Variants in ZXDC observed in about 807,000 individuals in gnomAD.
ZXDC encodes the protein ZXD family zinc finger C.
Under a neutral mutation model 63.6 loss-of-function variants are expected in ZXDC, and 58 were observed. The observed-to-expected ratio is 0.91, with a 90% CI of 0.74 to 1.13. ZXDC has a LOEUF of 1.13. Among genes scored for constraint, ZXDC ranks in the 50% most tolerant of loss-of-function variants. ZXDC has a pLI of 0.00. For missense variants in ZXDC, 1,133 were observed against 1,148.9 expected (o/e 0.99, Z 0.20); for synonymous variants, 561 against 496.1 (o/e 1.13, Z -1.74).
Position 126,475,067 on chromosome 3 carries a change from G to A in ZXDC, c.799C>T (p.Leu267=). ...TCGGCGCACACCTCGCACTTGAACAGGCTCTCCTGCTCGTGGCCCTTCATG... is the reference window on the plus strand; with the variant it reads ...TCGGCGCACACCTCGCACTTGAACAAGCTCTCCTGCTCGTGGCCCTTCATG... ...AHMKGHEQES[L]FKCEVCAERF... Residue 267 remains leucine (L), a synonymous_variant, in exon 1 of 10, where the codon CTG becomes TTG. Coordinates refer to ENST00000389709, the MANE Select transcript of ZXDC (RefSeq NM_025112.5). The A allele has an allele frequency of 3.7e-6, 6 of 1,605,924 alleles. No individual in the cohort carries two copies. Among genetic ancestry groups the A allele is most frequent in the Non-Finnish European group, 4.3e-6 (5 of 1,176,292 alleles).
chr3:126,468,126 G>C (rs1481730897), intron 4 of ZXDC, among the ~76,000 whole-genome samples: 1 of 151,934 alleles, frequency 6.6e-6, no homozygotes, highest in East Asian at 1.9e-4. Context: ...AGCCATCACT[G>C]ACAGACCTGT....
At chr3:126,444,303 C>T (rs986723371) in intron 7 of ZXDC, among the ~76,000 whole-genome samples, 4 of 152,260 alleles carry the variant, frequency 2.6e-5, no homozygotes, top group South Asian at 2.1e-4. Flanking sequence ...GAGGCCAAGG[C>T]GGGCAGATTA....
chr3:126,472,959 G>A (rs1340179445), intron 1 of ZXDC, among the ~76,000 whole-genome samples: 1 of 152,182 alleles, frequency 6.6e-6, no homozygotes, highest in African/African-American at 2.4e-5. Context: ...GGCTCCAACA[G>A]GGTGGAAAAC....
chr3:126,454,742 TAC>T, intron 7 of ZXDC: 1 of 985,488 alleles, frequency 1.0e-6, no homozygotes, highest in Non-Finnish European at 1.2e-6. Context: ...CAGAAAGGTA[TAC>T]ATACCCATTT....
intron 7 of ZXDC, chr3:126,454,510 T>G: frequency 1.0e-6 from 1 of 985,430 alleles, no homozygotes; most frequent in Non-Finnish European, 1.2e-6. Context: ...TGTCTTAATC[T>G]TAACCTTCCC....
At position 126,438,151 on chromosome 3, in the gene ZXDC, CAA is replaced by C. The variant is rs1933532196; in HGVS notation, c.*222_*223del. On this transcript the variant is annotated 3_prime_UTR_variant, in exon 10 of 10. Transcript: ENST00000389709. ...CTGCTGAGGGAGACCCTTGCCTTGC[CAA>C]AGCACTTTGCTCACAAAGGCAGTTT... is the stretch of plus-strand genomic sequence containing the variant. The C allele has an allele frequency of 1.7e-6, 1 of 581,798 alleles. No homozygotes were observed. Among genetic ancestry groups the C allele is most frequent in the African/African-American group, 1.9e-5 (1 of 53,582 alleles). The allele number at this position is 581,798 out of a possible 1,614,324, so 36.0% of individuals were successfully genotyped here.
chr3:126,471,272 C>G (rs895589797), intron 3 of ZXDC, among the ~76,000 whole-genome samples: 3 of 152,140 alleles, frequency 2.0e-5, no homozygotes, highest in African/African-American at 7.2e-5. Context: ...CTACTTCAAT[C>G]TAATATAAGC....
Position 126,475,520 on chromosome 3 carries a change from C to A in ZXDC, c.346G>T (p.Ala116Ser), listed in dbSNP as rs1478013375. The change falls in exon 1 of 10, where the codon GCC (alanine) becomes TCC (serine). Residue 116 changes from alanine to serine, a missense_variant. By Grantham distance (99) the Ala-to-Ser change is moderately conservative. Coordinates refer to ENST00000389709, the MANE Select transcript of ZXDC (RefSeq NM_025112.5). Reference protein sequence around the residue: ...SRPEQGPSGPAAPPGPGVAPA... With the variant: ...SRPEQGPSGPSAPPGPGVAPA... ...GCTACGCCAGGGCCGGGGGGGGCGG[C>A]CGGGCCGCTGGGGCCCTGCTCGGGG... is the stretch of plus-strand genomic sequence containing the variant. 2.4e-6 allele frequency: 3 copies of A among 1,253,982 alleles called. No homozygotes were observed. In the African/African-American group the frequency reaches 4.7e-5, roughly 20 times the overall value. The allele number at this position is 1,253,982 out of a possible 1,614,324, so 77.7% of individuals were successfully genotyped here.
chr3:126,455,012 G>A (rs1036874966), intron 7 of ZXDC: 7 of 985,246 alleles, frequency 7.1e-6, no homozygotes, highest in Middle Eastern at 5.2e-4. Flanking sequence ...CTAACCACAT[G>A]CACAACAGCG....
chr3:126,452,038 T>G (rs1934125318), intron 7 of ZXDC: 4 of 985,410 alleles, frequency 4.1e-6, no homozygotes, highest in Non-Finnish European at 4.8e-6. Context: ...CTAATATTTT[T>G]TTTTCCCTAA....
chr3:126,469,950 G>A (rs975537646), intron 4 of ZXDC, among the ~76,000 whole-genome samples: 1 of 152,170 alleles, frequency 6.6e-6, no homozygotes, highest in Non-Finnish European at 1.5e-5. Context: ...AGGAAACCAA[G>A]GCCCAGAGAA....
At chr3:126,441,202 G>T in intron 8 of ZXDC, 12 of 985,808 alleles carry the variant, frequency 1.2e-5, no homozygotes, top group Non-Finnish European at 1.4e-5. Context: ...ACAGCTGCAG[G>T]TATCTGTGGC....
rs1244942961 is a variant in ZXDC at position 126,441,849 on chromosome 3, C to T, written c.2310G>A (p.Val770=). Residue 770 remains valine, a synonymous_variant, in exon 8 of 10, where the codon GTG becomes GTA. Transcript: ENST00000389709. The stretch of plus-strand genomic sequence containing the variant: ...GTCCTGGCCGTCCTCCGCTGGGCAC[C>T]ACGAGGCTCCCACACAACCAACTGT... ...SQNSWLCGSL[V]VPSGGRPGPA... is the part of the protein sequence containing the mutation. 1.2e-6 allele frequency: 2 copies of T among 1,613,790 alleles called. No individual in the cohort carries two copies. The highest frequency in any genetic ancestry group is 2.7e-5 in the African/African-American group (2 of 74,940).
intron 7 of ZXDC, chr3:126,454,998 G>C: frequency 1.0e-6 from 1 of 985,402 alleles, no homozygotes. Context: ...GTGTGCACTG[G>C]CTCCTAACCA....
Position 126,472,205 on chromosome 3 carries a change from G to A in ZXDC, c.1008C>T (p.Ser336=). 6.2e-7 allele frequency: 1 copy of A among 1,613,444 alleles called. No individual in the cohort carries two copies. Among genetic ancestry groups the A allele is most frequent in the South Asian group, 1.1e-5 (1 of 91,074 alleles). Residue 336 remains serine (S), a synonymous_variant, in exon 2 of 10, where the codon AGC becomes AGT. Transcript: ENST00000389709. ...ELFSCSFPGC[S]KQYDKACRLK... is the part of the protein sequence containing the mutation. ...GCCGACAGGCTTTATCATACTGCTT[G>A]CTGCACCCAGGAAAGGAGCAGGAAA...
At chr3:126,465,218 G>A (rs1245147393) in intron 5 of ZXDC, among the ~76,000 whole-genome samples, 1 of 152,266 alleles carries the variant, frequency 6.6e-6, no homozygotes, top group Non-Finnish European at 1.5e-5. Context: ...GCCCGGTGAG[G>A]AGCGACAACC....
chr3:126,471,730 T>A (rs1007514465), intron 3 of ZXDC, among the ~76,000 whole-genome samples: 2 of 152,062 alleles, frequency 1.3e-5, no homozygotes, highest in Non-Finnish European at 2.9e-5. Context: ...GTTTTTTTTT[T>A]AAGAACAGAG....
chr3:126,467,661 G>A (rs777496), intron 4 of ZXDC, among the ~76,000 whole-genome samples: 137,478 of 152,222 alleles, frequency 0.9, 62,536 homozygotes, highest in East Asian at 0.99. Context: ...GGTCAGGCTC[G>A]TCAAAAACCA....
At chr3:126,451,737 T>C (rs918271009) in intron 7 of ZXDC, 1 of 985,242 alleles carries the variant, frequency 1.0e-6, no homozygotes, top group African/African-American at 1.7e-5. Context: ...TGCACCATGA[T>C]CTCACGCTGT....
Sources: gnomAD v4.1 joint callset for allele counts (sites outside exome capture counted in the v4.1 genomes callset) on GRCh38, gnomAD v4.1.1 for gene constraint, MANE v1.5 for transcripts, NCBI Gene and HGNC (gene_info 2026-07-23, HGNC 2026-07-21) for gene names.